Variants in ARHGAP42 observed in about 807,000 individuals in gnomAD.
The protein encoded by ARHGAP42 is Rho GTPase activating protein 42.
Under a neutral mutation model 125.0 loss-of-function variants are expected in ARHGAP42, and 63 were observed. That is an observed-to-expected ratio of 0.50 (90% CI 0.41 to 0.62). ARHGAP42 has a LOEUF of 0.62. Ranked by LOEUF, ARHGAP42 falls within the 20% of genes least tolerant of loss-of-function variation. The pLI is 0.00. For synonymous variants in ARHGAP42, 339 were observed against 351.0 expected, an observed-to-expected ratio of 0.97 and a Z score of 0.38; for missense variants, 766 against 1,024.2, an observed-to-expected ratio of 0.75 and a Z score of 3.44.
chr11:100,768,168 G>A (rs1862876204), intron 1 of ARHGAP42, among the ~76,000 whole-genome samples: 1 of 152,132 alleles, frequency 6.6e-6, no homozygotes, highest in Non-Finnish European at 1.5e-5. Context: ...AGGTAAGGAA[G>A]ACTTTATTCA....
At chr11:100,984,147 A>C (rs1484001736) in intron 22 of ARHGAP42, among the ~76,000 whole-genome samples, 1 of 151,920 alleles carries the variant, frequency 6.6e-6, no homozygotes, top group Non-Finnish European at 1.5e-5. Context: ...AAGAAAAAAA[A>C]ATCTCCAATT....
chr11:100,711,971 A>C (rs982734738), intron 1 of ARHGAP42, among the ~76,000 whole-genome samples: 1 of 152,240 alleles, frequency 6.6e-6, no homozygotes, highest in African/African-American at 2.4e-5. Context: ...AACTTTCATT[A>C]TGCTCCCTAT....
In ARHGAP42 at chr11:100,919,193, CTTG is replaced by C. The variant is rs546992350; in HGVS notation, c.487-2296_487-2294del. On this transcript the variant is annotated intron_variant, in intron 5 of 23. Transcript: ENST00000298815. Reference sequence around the variant, plus strand: ...GTCCACCAAGGAAGTTCATTAGAGACTTGTTGTCTAGAGACTTATTGGAGGCTG... The same window carrying C: ...GTCCACCAAGGAAGTTCATTAGAGACTTGTCTAGAGACTTATTGGAGGCTG... Among the ~76,000 whole-genome samples, 358 of 152,272 alleles carry C rather than the reference CTTG, an allele frequency of 2.4e-3. 1 individual carries two copies. The highest frequency in any genetic ancestry group is 8.3e-3 in the African/African-American group (345 of 41,556).
Position 100,811,611 on chromosome 11 carries a change from T to C in ARHGAP42, c.312+16445T>C, listed in dbSNP as rs560990967. ...CTCCCCCGGGCTCAAGTGATTCTTC[T>C]GCCTTAGCCTCCTGAGTAGCTAGGA... On this transcript the variant is annotated intron_variant, in intron 3 of 23. Transcript: ENST00000298815. Among the ~76,000 whole-genome samples the C allele has an allele frequency of 9.9e-5, 15 of 152,022 alleles. No homozygotes were observed. In the East Asian group the frequency reaches 2.9e-3, roughly 30 times the overall value.
chr11:100,860,882 A>C (rs1800099895), intron 4 of ARHGAP42, among the ~76,000 whole-genome samples: 1 of 152,206 alleles, frequency 6.6e-6, no homozygotes, highest in African/African-American at 2.4e-5. Context: ...TATGTTAATT[A>C]ATTCAGCAAA....
intron 22 of ARHGAP42, 77 bp from the exon 23 acceptor site, chr11:100,987,436 T>C: frequency 8.4e-7 from 1 of 1,192,420 alleles, no homozygotes; most frequent in Non-Finnish European, 1.2e-6. Flanking sequence ...ATTAATAGCA[T>C]TCTTGAAGAA....
At chr11:100,905,030 A>C (rs1326515033) in intron 4 of ARHGAP42, among the ~76,000 whole-genome samples, 1 of 152,244 alleles carries the variant, frequency 6.6e-6, no homozygotes, top group Non-Finnish European at 1.5e-5. Flanking sequence ...CTTGTGAGCC[A>C]GGTGTCAGCA....
chr11:100,939,063 G>A (rs1184887235), intron 8 of ARHGAP42, among the ~76,000 whole-genome samples: 1 of 152,136 alleles, frequency 6.6e-6, no homozygotes, highest in Non-Finnish European at 1.5e-5. Flanking sequence ...CTCATTGTTT[G>A]GACACAGAGT....
chr11:100,775,542 G>A (rs955924092), intron 2 of ARHGAP42, among the ~76,000 whole-genome samples: 8 of 152,138 alleles, frequency 5.3e-5, no homozygotes, highest in Non-Finnish European at 7.3e-5. Flanking sequence ...TTACTGATAG[G>A]AAATAAAAGG....
At chr11:100,759,821 A>G (rs949675179) in intron 1 of ARHGAP42, among the ~76,000 whole-genome samples, 2 of 152,178 alleles carry the variant, frequency 1.3e-5, no homozygotes, top group African/African-American at 4.8e-5. Flanking sequence ...AAAACTGTGT[A>G]AAATTACTTG....
intron 1 of ARHGAP42, among the ~76,000 whole-genome samples, chr11:100,752,104 C>T (rs1839915844): frequency 6.6e-6 from 1 of 151,954 alleles, no homozygotes; most frequent in African/African-American, 2.4e-5. Context: ...TTTTCATCTG[C>T]AGAAATGTTG....
intron 6 of ARHGAP42, among the ~76,000 whole-genome samples, chr11:100,923,137 A>C (rs1565277883): frequency 6.6e-6 from 1 of 152,090 alleles, no homozygotes; most frequent in Non-Finnish European, 1.5e-5. Flanking sequence ...GAAGATGACC[A>C]CTACTTATGG....
chr11:100,906,425 T>A (rs1321441353), intron 4 of ARHGAP42, among the ~76,000 whole-genome samples: 1 of 152,210 alleles, frequency 6.6e-6, no homozygotes, highest in Admixed American at 6.5e-5. Context: ...TTGTTCTGAT[T>A]TCTGATGATT....
At chr11:100,925,952 C>G (rs1204026525) in intron 6 of ARHGAP42, among the ~76,000 whole-genome samples, 1 of 151,912 alleles carries the variant, frequency 6.6e-6, no homozygotes, top group East Asian at 1.9e-4. Flanking sequence ...TCAGAGCTGC[C>G]CGAAGTTATG....
At chr11:100,892,350 G>C (rs1866239685) in intron 4 of ARHGAP42, among the ~76,000 whole-genome samples, 1 of 152,120 alleles carries the variant, frequency 6.6e-6, no homozygotes, top group Admixed American at 6.6e-5. Flanking sequence ...TTGTTCTGAA[G>C]TCCAGATGCT....
At chr11:100,932,548 A>T (rs189664927) in intron 6 of ARHGAP42, among the ~76,000 whole-genome samples, 35 of 152,310 alleles carry the variant, frequency 2.3e-4, no homozygotes, top group Admixed American at 8.5e-4. Context: ...AGAAATTATG[A>T]CTTTGTAAAG....
At chr11:100,774,741 G>A (rs1324026746) in intron 2 of ARHGAP42, among the ~76,000 whole-genome samples, 2 of 152,054 alleles carry the variant, frequency 1.3e-5, no homozygotes, top group South Asian at 4.1e-4. Context: ...TATTCTATCA[G>A]TATAATTGCC....
At position 100,715,803 on chromosome 11, in the gene ARHGAP42, G is replaced by A. The variant is rs142009724; in HGVS notation, c.154+27971G>A. Among the ~76,000 whole-genome samples, 309 of 152,246 alleles carry A rather than the reference G, an allele frequency of 2.0e-3. 1 individual carries two copies. Among genetic ancestry groups the A allele is most frequent in the African/African-American group, 6.9e-3 (285 of 41,540 alleles). The stretch of plus-strand genomic sequence containing the variant: ...GCACTGTATTCTACTTCACATTAGG[G>A]GCCTTATAAAAGAGTGAGGAAGCAA... On this transcript the variant is annotated intron_variant, in intron 1 of 23. Transcript: ENST00000298815.
chr11:100,784,180 A>G (rs660736), intron 2 of ARHGAP42, among the ~76,000 whole-genome samples: 76,366 of 151,974 alleles, frequency 0.5, 20,016 homozygotes, highest in South Asian at 0.63. Flanking sequence ...ACAGGAATGT[A>G]TAGTAGTTTC....
Sources: gnomAD v4.1 joint callset for allele counts (sites outside exome capture counted in the v4.1 genomes callset) on GRCh38, gnomAD v4.1.1 for gene constraint, MANE v1.5 for transcripts, NCBI Gene and HGNC (gene_info 2026-07-23, HGNC 2026-07-21) for gene names.